The following METTL15 variants were observed in gnomAD, a reference collection of about 807,000 sequenced individuals.
METTL15 encodes methyltransferase 15, mitochondrial 12S rRNA N4-cytidine, also known as 12S rRNA N(4)-cytidine methyltransferase METTL15.
METTL15 carries 34 observed loss-of-function variants against 38.3 expected under a neutral mutation model. The ratio of observed to expected loss-of-function variants is 0.89; its 90% CI spans 0.68 to 1.18. METTL15 has a LOEUF of 1.18. Among genes scored for constraint, METTL15 ranks in the 50% most tolerant of loss-of-function variants. The probability of loss-of-function intolerance (pLI) is 0.00; values close to 1 mark genes in which losing one functional copy is unlikely to be tolerated. For synonymous variants in METTL15, 162 were observed against 170.9 expected, an observed-to-expected ratio of 0.95 and a Z score of 0.41; for missense variants, 438 against 498.4, an observed-to-expected ratio of 0.88 and a Z score of 1.15.
At chr11:28,346,113 A>G (rs775499049) in intron 3 of METTL15, among the ~76,000 whole-genome samples, 2 of 152,152 alleles carry the variant, frequency 1.3e-5, no homozygotes. Context: ...TATGCATCTC[A>G]TTTTTGGAAT....
chr11:28,230,918 A>G (rs1293062495), intron 4 of METTL15, among the ~76,000 whole-genome samples: 2 of 151,904 alleles, frequency 1.3e-5, no homozygotes, highest in Non-Finnish European at 2.9e-5. Context: ...AGCTCAAGAT[A>G]AGGCCTCTGT....
intron 3 of METTL15, among the ~76,000 whole-genome samples, chr11:28,125,047 G>A (rs942268454): frequency 6.6e-6 from 1 of 152,052 alleles, no homozygotes; most frequent in Admixed American, 6.6e-5. Flanking sequence ...TGTTTTAGAA[G>A]TTAAATACAG....
chr11:28,459,395 T>C (rs958954372), intron 6 of METTL15, among the ~76,000 whole-genome samples: 1 of 152,128 alleles, frequency 6.6e-6, no homozygotes. Context: ...GGCAAAAATA[T>C]GACAGCCAGG....
At chr11:28,469,677 G>A (rs887077030) in intron 6 of METTL15, among the ~76,000 whole-genome samples, 3 of 152,022 alleles carry the variant, frequency 2.0e-5, no homozygotes, top group African/African-American at 7.2e-5. Context: ...TGTTTGCAGA[G>A]CTGTTACAAG....
chr11:28,377,635 G>A (rs868234818), intron 5 of METTL15, among the ~76,000 whole-genome samples: 18 of 151,970 alleles, frequency 1.2e-4, no homozygotes, highest in Non-Finnish European at 2.1e-4. Flanking sequence ...TAATTTGATC[G>A]TCTGAAGCCT....
chr11:28,457,673 C>T, intron 6 of METTL15, among the ~76,000 whole-genome samples: 1 of 152,176 alleles, frequency 6.6e-6, no homozygotes, highest in East Asian at 1.9e-4. Flanking sequence ...GCCACAGCCA[C>T]CTGCAGAGCT....
intron 5 of METTL15, among the ~76,000 whole-genome samples, chr11:28,379,832 A>C (rs563889771): frequency 6.6e-6 from 1 of 152,090 alleles, no homozygotes; most frequent in South Asian, 2.1e-4. Flanking sequence ...CTATTATTCT[A>C]TTGCAGTCTG....
chr11:28,262,414 A>G (rs1166675678), intron 4 of METTL15, among the ~76,000 whole-genome samples: 1 of 151,330 alleles, frequency 6.6e-6, no homozygotes, highest in African/African-American at 2.4e-5. Flanking sequence ...TATATATGCT[A>G]TATACACAGA....
At chr11:28,410,717 A>G (rs1356729673) in intron 5 of METTL15, 1 of 152,138 alleles carries the variant, frequency 6.6e-6, no homozygotes, top group Non-Finnish European at 1.5e-5. Flanking sequence ...GATACAAGAC[A>G]GGGATGCCTG....
chr11:28,390,331 A>G (rs1432355350), intron 5 of METTL15, among the ~76,000 whole-genome samples: 1 of 151,208 alleles, frequency 6.6e-6, no homozygotes, highest in African/African-American at 2.4e-5. Flanking sequence ...GGTAATGCCT[A>G]GGTTTTCTTC....
At chr11:28,511,794 A>G (rs1003628191) in intron 6 of METTL15, among the ~76,000 whole-genome samples, 3 of 152,192 alleles carry the variant, frequency 2.0e-5, no homozygotes, top group Non-Finnish European at 2.9e-5. Context: ...GAGCGAAAGA[A>G]CAAAGCTTCC....
intron 6 of METTL15, among the ~76,000 whole-genome samples, chr11:28,517,640 G>T (rs200304742): frequency 6.6e-6 from 1 of 152,138 alleles, no homozygotes; most frequent in East Asian, 1.9e-4. Flanking sequence ...TCTCTTCTTT[G>T]TATCAATGCC....
At chr11:28,333,903 TAA>T (rs1263205819), downstream of METTL15, among the ~76,000 whole-genome samples, 2 of 151,878 alleles carry the variant, frequency 1.3e-5, no homozygotes, top group Non-Finnish European at 2.9e-5. Flanking sequence ...CATATTTTCT[TAA>T]GTCTTTGCAG....
chr11:28,386,560 C>A (rs116713361), intron 5 of METTL15, among the ~76,000 whole-genome samples: 2,693 of 151,872 alleles, frequency 0.018, 55 homozygotes, highest in African/African-American at 0.051. Flanking sequence ...GTCATTGGAG[C>A]ACCCAAATAT....
At position 28,389,234 on chromosome 11, in the gene METTL15, C is replaced by CTT. The variant is rs57711814; in HGVS notation, c.*358+27206_*358+27207dup. ...GCTGGGTGAAATAGTATTTCTAGTT[C>CTT]TTTTTTTTTATTATACTTTAAGTTT... On this transcript the variant is annotated intron_variant and NMD_transcript_variant, in intron 5 of 7. Coordinates refer to the METTL15 transcript ENST00000532947. 9.1e-3 allele frequency among the ~76,000 whole-genome samples: 1,361 copies of CTT among 149,642 alleles called. 22 individuals carry two copies. The highest frequency in any genetic ancestry group is 0.013 in the Non-Finnish European group (902 of 67,370).
At chr11:28,184,884 A>C (rs530680767) in intron 3 of METTL15, among the ~76,000 whole-genome samples, 2 of 151,572 alleles carry the variant, frequency 1.3e-5, no homozygotes, top group African/African-American at 2.4e-5. Context: ...GCTATTTGCT[A>C]TTGCATGTAT....
intron 6 of METTL15, among the ~76,000 whole-genome samples, chr11:28,325,090 A>G (rs1849591288): frequency 6.6e-6 from 1 of 152,120 alleles, no homozygotes; most frequent in Non-Finnish European, 1.5e-5. Flanking sequence ...GTCTGCAAAG[A>G]TGGACAGCTC....
intron 4 of METTL15, among the ~76,000 whole-genome samples, chr11:28,237,115 A>G (rs538444315): frequency 2.6e-5 from 4 of 151,890 alleles, no homozygotes; most frequent in East Asian, 1.9e-4. Context: ...TCTTTGTGGC[A>G]TTCTCTGTAT....
At chr11:28,209,537 AAAGTT>A (rs1198606168) in intron 3 of METTL15, among the ~76,000 whole-genome samples, 1 of 152,102 alleles carries the variant, frequency 6.6e-6, no homozygotes, top group African/African-American at 2.4e-5. Flanking sequence ...ATAGAAGTAC[AAAGTT>A]AAGTCACACT....
Sources: gnomAD v4.1 joint callset for allele counts (sites outside exome capture counted in the v4.1 genomes callset) on GRCh38, gnomAD v4.1.1 for gene constraint, MANE v1.5 for transcripts, NCBI Gene and HGNC (gene_info 2026-07-23, HGNC 2026-07-21) for gene names.